MRPS5: variants seen among roughly 807,000 people sequenced by gnomAD.
The protein encoded by MRPS5 is small ribosomal subunit protein uS5m.
Under a neutral mutation model 51.9 loss-of-function variants are expected in MRPS5, and 27 were observed. That is an observed-to-expected ratio of 0.52 (90% CI 0.38 to 0.72). The LOEUF (loss-of-function observed/expected upper bound fraction) is 0.72, where lower values mean the gene tolerates loss of function less well. Ranked by LOEUF, MRPS5 falls within the 30% of genes least tolerant of loss-of-function variation. The probability of loss-of-function intolerance (pLI) is 0.00; values close to 1 mark genes in which losing one functional copy is unlikely to be tolerated. For synonymous variants in MRPS5, 196 were observed against 193.2 expected (o/e 1.01, Z -0.12); for missense variants, 570 against 545.7 (o/e 1.04, Z -0.44).
At chr2:95,114,120 CAAAAAAA>C (rs1002543941) in intron 3 of MRPS5, among the ~76,000 whole-genome samples, 1 of 43,042 alleles carries the variant, frequency 2.3e-5, no homozygotes, top group Non-Finnish European at 3.9e-5. Context: ...CTCCATCTCC[CAAAAAAA>C]AAAAAAAAAA....
At chr2:95,098,905 AATT>A (rs201314204) in intron 10 of MRPS5, among the ~76,000 whole-genome samples, 2 of 139,924 alleles carry the variant, frequency 1.4e-5, no homozygotes, top group East Asian at 2.0e-4. Context: ...GAGAAATAAA[AATT>A]ATTATTATTA....
At position 95,086,307 on chromosome 2, in the gene MRPS5, TCTCAGCAAATAGC is replaced by T. The variant is rs1442667291; in HGVS notation, c.*1037_*1049del. 1.3e-5 allele frequency among the ~76,000 whole-genome samples: 2 copies of T among 151,694 alleles called. No homozygotes were observed. Among genetic ancestry groups the T allele is most frequent in the Non-Finnish European group, 2.9e-5 (2 of 67,928 alleles). On this transcript the variant is annotated 3_prime_UTR_variant, in exon 12 of 12. Transcript: ENST00000272418. ...TGAAGCCATTTAAAGAAAAAAAAAG[TCTCAGCAAATAGC>T]CTCAGCAAATAAAGAGAAGACATAA...
chr2:95,116,253 CTT>C (rs1445233243), intron 2 of MRPS5, among the ~76,000 whole-genome samples: 6 of 151,096 alleles, frequency 4.0e-5, no homozygotes, highest in Admixed American at 4.0e-4. Flanking sequence ...ACATAAGTAA[CTT>C]AATACTAAAT....
upstream of MRPS5, chr2:95,121,988 AG>A: frequency 1.7e-6 from 1 of 582,948 alleles, no homozygotes; most frequent in African/African-American, 2.0e-5. Flanking sequence ...GACCGCGGAC[AG>A]CCCCGCGGGC....
chr2:95,096,289 T>C (rs1363704774), intron 10 of MRPS5, among the ~76,000 whole-genome samples: 1 of 152,204 alleles, frequency 6.6e-6, no homozygotes, highest in East Asian at 1.9e-4. Context: ...CTTCTGAAAC[T>C]ATTCCAATCA....
intron 10 of MRPS5, chr2:95,091,396 T>A (rs1675463032): frequency 6.6e-6 from 1 of 152,562 alleles, no homozygotes; most frequent in South Asian, 2.1e-4. Context: ...GTGGCATCCT[T>A]CCTTCTGCCT....
intron 4 of MRPS5, among the ~76,000 whole-genome samples, 195 bp from the exon 5 acceptor site, chr2:95,108,603 CACAT>C (rs1292838205): frequency 6.6e-6 from 1 of 152,172 alleles, no homozygotes; most frequent in Non-Finnish European, 1.5e-5. Context: ...GAGAAACACT[CACAT>C]ACAGGTACAA....
At chr2:95,114,122 A>G (rs1413770518) in intron 3 of MRPS5, among the ~76,000 whole-genome samples, 1 of 142,668 alleles carries the variant, frequency 7.0e-6, no homozygotes, top group Non-Finnish European at 1.6e-5. Flanking sequence ...CCATCTCCCA[A>G]AAAAAAAAAA....
At chr2:95,090,151 T>G (rs1356775603) in intron 11 of MRPS5, among the ~76,000 whole-genome samples, 1 of 120,698 alleles carries the variant, frequency 8.3e-6, no homozygotes, top group Non-Finnish European at 1.6e-5. Flanking sequence ...CACTCCAGCC[T>G]GGGTGACAGA....
intron 4 of MRPS5, 31 bp downstream of exon 4, chr2:95,109,885 G>A: frequency 6.3e-7 from 1 of 1,595,336 alleles, no homozygotes; most frequent in Non-Finnish European, 8.5e-7. Flanking sequence ...AACTTACAAA[G>A]CACTTTAGCT....
At chr2:95,112,309 C>T (rs1573347719) in intron 3 of MRPS5, among the ~76,000 whole-genome samples, 2 of 152,234 alleles carry the variant, frequency 1.3e-5, no homozygotes, top group East Asian at 1.9e-4. Flanking sequence ...AGGTGACCCG[C>T]CCACCTCAGC....
At chr2:95,117,064 C>G (rs901879787) in intron 2 of MRPS5, among the ~76,000 whole-genome samples, 5 of 151,930 alleles carry the variant, frequency 3.3e-5, no homozygotes, top group African/African-American at 1.2e-4. Context: ...TCGCTTGAAC[C>G]CAGGAGGCGG....
At chr2:95,105,193 C>T (rs949442547) in intron 6 of MRPS5, among the ~76,000 whole-genome samples, 6 of 152,126 alleles carry the variant, frequency 3.9e-5, no homozygotes, top group African/African-American at 9.7e-5. Context: ...CTGGCCTCTA[C>T]GCTAAGGATT....
At chr2:95,097,315 T>C (rs151036480) in intron 10 of MRPS5, among the ~76,000 whole-genome samples, 2,381 of 152,308 alleles carry the variant, frequency 0.016, 19 homozygotes, top group Non-Finnish European at 0.022. Context: ...CCAATGACTT[T>C]CTTCACAGAA....
intron 1 of MRPS5, among the ~76,000 whole-genome samples, chr2:95,118,602 G>A (rs1558688664): frequency 6.6e-6 from 1 of 152,210 alleles, no homozygotes; most frequent in South Asian, 2.1e-4. Context: ...ATCCTACAAT[G>A]TTCCCCCTTC....
chr2:95,102,394 T>C (rs1675827392), intron 7 of MRPS5, among the ~76,000 whole-genome samples: 1 of 152,236 alleles, frequency 6.6e-6, no homozygotes, highest in East Asian at 1.9e-4. Flanking sequence ...CCAGGTGCAG[T>C]GGCTCACGCC....
intron 1 of MRPS5, among the ~76,000 whole-genome samples, chr2:95,121,399 C>G (rs894117746): frequency 6.6e-6 from 1 of 152,208 alleles, no homozygotes; most frequent in Non-Finnish European, 1.5e-5. Context: ...ACGTCAACAT[C>G]AAATGAACCC....
chr2:95,104,639 C>T lies in MRPS5; in HGVS notation c.763+1G>A. ...CTGTGATGCCATCACTCCCCATTCA[C>T]CTGCAGCTCCTTTTCCGTTCCCCAC... is the stretch of plus-strand genomic sequence containing the variant. On this transcript the variant is annotated splice_donor_variant, in intron 7 of 11. Transcript: ENST00000272418. LOFTEE classifies it high-confidence loss of function. 6.2e-7 allele frequency: 1 copy of T among 1,614,156 alleles called. No homozygotes were observed. The highest frequency in any genetic ancestry group is 2.2e-5 in the East Asian group (1 of 44,886).
intron 11 of MRPS5, among the ~76,000 whole-genome samples, chr2:95,088,651 C>T (rs1675368939): frequency 6.6e-6 from 1 of 152,170 alleles, no homozygotes; most frequent in Non-Finnish European, 1.5e-5. Context: ...GGCATCTTTT[C>T]CTTTTTGAGT....
Sources: gnomAD v4.1 joint callset for allele counts (sites outside exome capture counted in the v4.1 genomes callset) on GRCh38, gnomAD v4.1.1 for gene constraint, MANE v1.5 for transcripts, NCBI Gene and HGNC (gene_info 2026-07-23, HGNC 2026-07-21) for gene names.